PAK5: variants seen among roughly 807,000 people sequenced by gnomAD.
PAK5 encodes serine/threonine-protein kinase PAK 5.
In PAK5, 16 loss-of-function variants were observed where a neutral mutation model predicts 65.9. That is an observed-to-expected ratio of 0.24 (90% CI 0.16 to 0.37). The LOEUF is 0.37. PAK5 is among the 10% of genes least tolerant of loss of function. The probability of loss-of-function intolerance (pLI) is 1.00; values close to 1 mark genes in which losing one functional copy is unlikely to be tolerated. For synonymous variants in PAK5, 371 were observed against 354.9 expected (o/e 1.05, Z -0.51); for missense variants, 785 against 903.9 (o/e 0.87, Z 1.69).
chr20:9,719,999 T>C (rs2048196114), intron 1 of PAK5, among the ~76,000 whole-genome samples: 1 of 152,216 alleles, frequency 6.6e-6, no homozygotes, highest in African/African-American at 2.4e-5. Context: ...GTAATGTCTT[T>C]GGAGTGTGTG....
chr20:9,776,539 C>T (rs1209194039), intron 1 of PAK5, among the ~76,000 whole-genome samples: 1 of 152,152 alleles, frequency 6.6e-6, no homozygotes, highest in Non-Finnish European at 1.5e-5. Flanking sequence ...TTGTTGGTTA[C>T]AAACAGAATA....
At chr20:9,608,210 A>C (rs915231952) in intron 3 of PAK5, among the ~76,000 whole-genome samples, 8 of 152,176 alleles carry the variant, frequency 5.3e-5, no homozygotes, top group African/African-American at 1.9e-4. Context: ...TCAACATACA[A>C]ATTTTGGAGG....
chr20:9,617,104 A>G (rs1038361896), intron 3 of PAK5, among the ~76,000 whole-genome samples: 3 of 152,230 alleles, frequency 2.0e-5, no homozygotes, highest in Admixed American at 1.3e-4. Context: ...CGATGGCACA[A>G]CACTTGTTTA....
At chr20:9,652,809 C>T (rs1176928292) in intron 2 of PAK5, among the ~76,000 whole-genome samples, 1 of 152,208 alleles carries the variant, frequency 6.6e-6, no homozygotes, top group African/African-American at 2.4e-5. Context: ...TAAACCCCGA[C>T]TTCATACCTG....
intron 7 of PAK5, among the ~76,000 whole-genome samples, chr20:9,555,851 ATG>A (rs1310733185): frequency 1.3e-5 from 2 of 152,318 alleles, no homozygotes; most frequent in South Asian, 4.1e-4. Flanking sequence ...TACAGGTATC[ATG>A]TGAGTAAGTC....
intron 2 of PAK5, among the ~76,000 whole-genome samples, chr20:9,685,537 A>AT (rs2047707727): frequency 6.6e-6 from 1 of 152,146 alleles, no homozygotes; most frequent in Non-Finnish European, 1.5e-5. Context: ...TGTGGAACAG[A>AT]TTTTTTCCCT....
At chr20:9,562,590 A>G (rs1433088032) in intron 6 of PAK5, among the ~76,000 whole-genome samples, 2 of 152,190 alleles carry the variant, frequency 1.3e-5, no homozygotes, top group Admixed American at 1.3e-4. Flanking sequence ...TCAGCTTTAG[A>G]AATCTATATA....
intron 1 of PAK5, among the ~76,000 whole-genome samples, chr20:9,727,160 A>AT (rs2048286742): frequency 6.6e-6 from 1 of 152,156 alleles, no homozygotes. Context: ...AAAATACATT[A>AT]TTTTTTAAGA....
At chr20:9,739,131 G>A (rs1783061381) in intron 1 of PAK5, among the ~76,000 whole-genome samples, 2 of 151,948 alleles carry the variant, frequency 1.3e-5, no homozygotes. Context: ...ACAATACTCT[G>A]TAATATATGC....
At chr20:9,642,601 C>T (rs966596875) in intron 3 of PAK5, among the ~76,000 whole-genome samples, 5 of 152,038 alleles carry the variant, frequency 3.3e-5, no homozygotes, top group Admixed American at 3.3e-4. Flanking sequence ...CTAATCCCAA[C>T]TTTTTAAAGA....
intron 2 of PAK5, among the ~76,000 whole-genome samples, chr20:9,651,498 C>G (rs1436532593): frequency 6.6e-6 from 1 of 152,196 alleles, no homozygotes; most frequent in Non-Finnish European, 1.5e-5. Flanking sequence ...ACTCATGGCT[C>G]AGTCCTGTGT....
chr20:9,569,049 CCAAT>C (rs2045730656), intron 4 of PAK5, among the ~76,000 whole-genome samples: 1 of 152,120 alleles, frequency 6.6e-6, no homozygotes, highest in African/African-American at 2.4e-5. Context: ...CAAGACAGAA[CCAAT>C]CAATCAGCTA....
At chr20:9,621,706 G>A (rs1248549953) in intron 3 of PAK5, among the ~76,000 whole-genome samples, 1 of 152,128 alleles carries the variant, frequency 6.6e-6, no homozygotes, top group Non-Finnish European at 1.5e-5. Flanking sequence ...GTGGCTGACG[G>A]GCAATGGCAG....
chr20:9,664,871 A>G (rs1255574264), intron 2 of PAK5, among the ~76,000 whole-genome samples: 1 of 152,142 alleles, frequency 6.6e-6, no homozygotes, highest in Non-Finnish European at 1.5e-5. Context: ...TTACTAAAAA[A>G]AAGAATCCCT....
chr20:9,784,134 T>C (rs1297859661), intron 1 of PAK5, among the ~76,000 whole-genome samples: 2 of 152,034 alleles, frequency 1.3e-5, no homozygotes, highest in African/African-American at 4.8e-5. Flanking sequence ...ATAAAATAGG[T>C]TTTTACTGGC....
intron 2 of PAK5, among the ~76,000 whole-genome samples, chr20:9,692,501 T>C (rs1300531814): frequency 6.6e-6 from 1 of 152,180 alleles, no homozygotes; most frequent in Non-Finnish European, 1.5e-5. Context: ...GATAAACTTC[T>C]ATATAATATA....
In PAK5 at chr20:9,616,144, A is replaced by G. The variant is rs114857550; in HGVS notation, c.204+27981T>C. On this transcript the variant is annotated intron_variant, in intron 3 of 9. Transcript: ENST00000353224. ...ATTTTTAAAATAAAGCAATGTTGAA[A>G]CTACACTCCATTGTACTTCTACCTG... Among the ~76,000 whole-genome samples, 1,419 of 152,282 alleles carry G rather than the reference A, an allele frequency of 9.3e-3. 24 individuals carry two copies. The highest frequency in any genetic ancestry group is 0.032 in the African/African-American group (1,335 of 41,540).
chr20:9,671,629 C>A (rs147961567), intron 2 of PAK5, among the ~76,000 whole-genome samples: 7,439 of 147,642 alleles, frequency 0.05, 294 homozygotes, highest in South Asian at 0.088. Context: ...GATTTTGTAT[C>A]CTGAGACTTT....
At chr20:9,707,889 T>C (rs1261955861) in intron 2 of PAK5, among the ~76,000 whole-genome samples, 1 of 152,086 alleles carries the variant, frequency 6.6e-6, no homozygotes, top group Admixed American at 6.6e-5. Context: ...TTAGTCCAAA[T>C]CAGTAGAAGT....
Sources: allele counts gnomAD v4.1 joint callset (sites outside exome capture counted in the v4.1 genomes callset), GRCh38; gene constraint gnomAD v4.1.1; transcripts MANE v1.5; gene names NCBI Gene and HGNC (gene_info 2026-07-23, HGNC 2026-07-21).